Variants in NEB observed in about 807,000 individuals in gnomAD.
NEB encodes nemaline myopathy type 2.
A neutral mutation model predicts 952.2 loss-of-function variants in NEB; 512 were observed. The observed-to-expected ratio is 0.54, with a 90% CI of 0.50 to 0.58. The LOEUF (loss-of-function observed/expected upper bound fraction) is 0.58, where lower values mean the gene tolerates loss of function less well. Ranked by LOEUF, NEB falls within the 20% of genes least tolerant of loss-of-function variation. The pLI is 0.00. For missense variants in NEB, 8,428 were observed against 9,231.1 expected, an observed-to-expected ratio of 0.91 and a Z score of 3.56; for synonymous variants, 2,900 against 3,149.8, an observed-to-expected ratio of 0.92 and a Z score of 2.66.
intron 127 of NEB, among the ~76,000 whole-genome samples, chr2:151,553,040 G>T (rs1003145759): frequency 6.6e-6 from 1 of 152,110 alleles, no homozygotes; most frequent in Admixed American, 6.6e-5. Flanking sequence ...TTTAATTTGC[G>T]TGGAAAATCC....
chr2:151,685,877 C>T (rs2099493894), intron 27 of NEB, among the ~76,000 whole-genome samples: 1 of 152,218 alleles, frequency 6.6e-6, no homozygotes, highest in African/African-American at 2.4e-5. Context: ...TACAGATGTG[C>T]ACTACAAATC....
At chr2:151,698,798 C>T (rs989065497) in intron 13 of NEB, among the ~76,000 whole-genome samples, 120 of 151,748 alleles carry the variant, frequency 7.9e-4, no homozygotes, top group Non-Finnish European at 1.3e-3. Flanking sequence ...CCACCATGCC[C>T]GGCTAATTTT....
intron 27 of NEB, among the ~76,000 whole-genome samples, chr2:151,686,532 C>T (rs2099500432): frequency 1.3e-5 from 2 of 152,080 alleles, no homozygotes; most frequent in South Asian, 4.1e-4. Flanking sequence ...TGACATAATT[C>T]ACTGTGAAGT....
At chr2:151,716,292 C>T (rs767694957) in intron 10 of NEB, 1 of 285,594 alleles carries the variant, frequency 3.5e-6, no homozygotes, top group Non-Finnish European at 6.9e-6. Context: ...GCGCCCGCCA[C>T]CACGCCTGGC....
intron 10 of NEB, among the ~76,000 whole-genome samples, chr2:151,715,846 G>A (rs2099757427): frequency 6.6e-6 from 1 of 152,188 alleles, no homozygotes; most frequent in African/African-American, 2.4e-5. Context: ...ACTGGAGAGT[G>A]TAGCACTAAA....
intron 63 of NEB, among the ~76,000 whole-genome samples, chr2:151,638,463 C>T (rs2154098118): frequency 6.6e-6 from 1 of 152,306 alleles, no homozygotes; most frequent in East Asian, 1.9e-4. Flanking sequence ...CCTGGTGCTG[C>T]TCTCCATCTC....
rs1466370167 is a variant in NEB at position 151,576,148 on chromosome 2, C to G, written c.16908+3G>C. ...CAATTTTAATAGAGAAAAACTAACT[C>G]ACAATACTAATATTTTCAGCATTTG... On this transcript the variant is annotated splice_donor_region_variant and intron_variant, in intron 106 of 181. Coordinates refer to ENST00000397345, the MANE Select transcript of NEB (RefSeq NM_001164508.2). 1 of 1,580,536 alleles carries G rather than the reference C, an allele frequency of 6.3e-7. No individual in the cohort carries two copies. The highest frequency in any genetic ancestry group is 8.6e-7 in the Non-Finnish European group (1 of 1,158,642).
At position 151,675,331 on chromosome 2, in the gene NEB, G is replaced by A. The variant is rs1401312030; in HGVS notation, c.3835C>T (p.Pro1279Ser). 1.3e-6 allele frequency: 2 copies of A among 1,595,860 alleles called. No individual in the cohort carries two copies. The highest frequency in any genetic ancestry group is 2.3e-5 in the South Asian group (2 of 87,814). Reference sequence around the variant, plus strand: ...TTGCACTTGGCCTGGAGAAACTGAGGAAGATCAGGACTCATGGTGTATTTA... The same window carrying A: ...TTGCACTTGGCCTGGAGAAACTGAGAAAGATCAGGACTCATGGTGTATTTA... ...KHKYTMSPDLPQFLQAKCNAY... is the reference protein window; with the variant it reads ...KHKYTMSPDLSQFLQAKCNAY... Residue 1279 changes from proline to serine, a missense_variant, in exon 35 of 182, where the codon CCT (proline) becomes TCT (serine). Transcript: ENST00000397345.
chr2:151,506,822 G>A (rs2069394559), intron 163 of NEB, 87 bp downstream of exon 163: 2 of 859,026 alleles, frequency 2.3e-6, no homozygotes, highest in South Asian at 2.9e-5. Context: ...TGTTAATTGT[G>A]TGTATCAATA....
chr2:151,663,521 C>T lies in NEB; in HGVS notation c.5763+27G>A, dbSNP rs373166434. On this transcript the variant is annotated intron_variant, in intron 45 of 181. Coordinates refer to ENST00000397345, the MANE Select transcript of NEB (RefSeq NM_001164508.2). ...ATGGTTGCTTATTATCCAGAGTAAA[C>T]GCTCTGCAAATGTGGTTTTCACGTA... 22 of 1,581,118 alleles carry T rather than the reference C, an allele frequency of 1.4e-5. No individual in the cohort carries two copies. Among genetic ancestry groups the T allele is most frequent in the African/African-American group, 5.4e-5 (4 of 74,260 alleles).
At position 151,565,660 on chromosome 2, in the gene NEB, C is replaced by T. The variant is rs1286599305; in HGVS notation, c.18262-55G>A. On this transcript the variant is annotated intron_variant, in intron 115 of 181. Transcript: ENST00000397345. ...GTCTACCACCACAGGTTATCTACCC[C>T]AACATGGCAGGTAGGAGGACAGGCA... is the stretch of plus-strand genomic sequence containing the variant. 5.7e-6 allele frequency: 9 copies of T among 1,567,382 alleles called. No homozygotes were observed. The South Asian group carries it at 9.0e-5, about 16-fold the overall frequency.
At chr2:151,689,784 T>C (rs1049713667) in intron 24 of NEB, 1 of 152,250 alleles carries the variant, frequency 6.6e-6, no homozygotes, top group Non-Finnish European at 1.5e-5. Context: ...GTGATGTTAG[T>C]GTTTAGCTGT....
Position 151,499,302 on chromosome 2 carries a change from C to G in NEB, c.24110G>C (p.Ser8037Thr). The G allele has an allele frequency of 6.7e-7, 1 of 1,484,642 alleles. No homozygotes were observed. Among genetic ancestry groups the G allele is most frequent in the Non-Finnish European group, 9.1e-7 (1 of 1,100,158 alleles). 92.0% of individuals were successfully genotyped at this position (1,484,642 alleles called of 1,614,324 possible). ...GGATTTTTTATTTTTAAATACCGAACTAAAGTTTTCTTGATTGTGTTTGAC... is the reference window on the plus strand; with the variant it reads ...GGATTTTTTATTTTTAAATACCGAAGTAAAGTTTTCTTGATTGTGTTTGAC... ...ERVKHNQENF[S>T]SVLYKENLGT... Residue 8037 changes from serine to threonine, a missense_variant, in exon 169 of 182, where the codon AGT becomes ACT. Physicochemically the swap from Ser to Thr is moderately conservative, Grantham distance 58 (BLOSUM62 1). Transcript: ENST00000397345.
chr2:151,493,115 T>C (rs549777377), intron 176 of NEB: 1 of 445,034 alleles, frequency 2.2e-6, no homozygotes, highest in South Asian at 3.3e-5. Context: ...ATTAACTTGT[T>C]ATGTTTAGTA....
intron 124 of NEB, among the ~76,000 whole-genome samples, chr2:151,556,119 G>A (rs1056801908): frequency 6.6e-6 from 1 of 152,106 alleles, no homozygotes; most frequent in Non-Finnish European, 1.5e-5. Context: ...AAATAGAGGT[G>A]GGTCTGGGTA....
Position 151,512,221 on chromosome 2 carries a change from A to AGAT in NEB, c.23346+509_23346+511dup, listed in dbSNP as rs2075040866. 2.0e-5 allele frequency among the ~76,000 whole-genome samples: 3 copies of AGAT among 151,636 alleles called. No individual in the cohort carries two copies. The South Asian group carries it at 6.3e-4, about 32-fold the overall frequency. The stretch of plus-strand genomic sequence containing the variant: ...AATTTTTGTGTATTTTTTTTAGTAG[A>AGAT]GATAGAGTTTCACCGTGTTAGCCAG... On this transcript the variant is annotated intron_variant, in intron 161 of 181. Coordinates refer to ENST00000397345, the MANE Select transcript of NEB (RefSeq NM_001164508.2).
chr2:151,724,453 G>A, intron 7 of NEB, 89 bp from the exon 8 acceptor site: 1 of 1,005,414 alleles, frequency 9.9e-7, no homozygotes, highest in East Asian at 2.6e-5. Context: ...ATGAAGGCAT[G>A]CTTGCTCAGA....
chr2:151,565,410 C>A, intron 116 of NEB, 91 bp downstream of exon 116: 1 of 958,382 alleles, frequency 1.0e-6, no homozygotes, highest in Admixed American at 2.1e-5. Flanking sequence ...AATTTTTTTA[C>A]AAGCAATTAT....
At chr2:151,499,790 A>G (rs1387017217) in intron 168 of NEB, among the ~76,000 whole-genome samples, 1 of 152,244 alleles carries the variant, frequency 6.6e-6, no homozygotes, top group African/African-American at 2.4e-5. Context: ...GGCCAAATCT[A>G]TGCAATATGG....
Sources: gnomAD v4.1 joint callset for allele counts (sites outside exome capture counted in the v4.1 genomes callset) on GRCh38, gnomAD v4.1.1 for gene constraint, MANE v1.5 for transcripts, NCBI Gene and HGNC (gene_info 2026-07-23, HGNC 2026-07-21) for gene names.